Variants in SLC45A4 observed in about 807,000 individuals in gnomAD.
The protein encoded by SLC45A4 is polyamine-transporter SLC45A4.
SLC45A4 carries 32 observed loss-of-function variants against 63.7 expected under a neutral mutation model. The ratio of observed to expected loss-of-function variants is 0.50; its 90% CI spans 0.38 to 0.67. The LOEUF is 0.67. Ranked by LOEUF, SLC45A4 falls within the 30% of genes least tolerant of loss-of-function variation. The pLI, the probability that SLC45A4 is intolerant of heterozygous loss-of-function variation, is 0.00. For synonymous variants in SLC45A4, 535 were observed against 510.0 expected (o/e 1.05, Z -0.66); for missense variants, 1,027 against 1,157.7 (o/e 0.89, Z 1.64).
chr8:141,264,738 T>C (rs955725644), intron 1 of SLC45A4, among the ~76,000 whole-genome samples: 18 of 152,232 alleles, frequency 1.2e-4, no homozygotes, highest in Non-Finnish European at 1.0e-4. Flanking sequence ...AGTCCTTCCA[T>C]GGTCTTCCAC....
At chr8:141,242,689 C>T (rs1827971728) in intron 2 of SLC45A4, among the ~76,000 whole-genome samples, 1 of 152,204 alleles carries the variant, frequency 6.6e-6, no homozygotes, top group Non-Finnish European at 1.5e-5. Context: ...CTCCATTAGG[C>T]AGCTTGCCAC....
intron 1 of SLC45A4, among the ~76,000 whole-genome samples, chr8:141,305,873 G>C (rs1332932693): frequency 4.3e-5 from 6 of 141,142 alleles, no homozygotes; most frequent in Admixed American, 7.4e-5. Flanking sequence ...ACCTTCCTCG[G>C]CTCCTTTCCT....
intron 2 of SLC45A4, among the ~76,000 whole-genome samples, chr8:141,243,366 C>T (rs1056587978): frequency 2.4e-4 from 36 of 152,220 alleles, no homozygotes; most frequent in African/African-American, 8.2e-4. Context: ...GCTCTCATTC[C>T]CACAAACTAG....
chr8:141,263,254 A>T (rs1259657166), intron 1 of SLC45A4, among the ~76,000 whole-genome samples: 1 of 151,382 alleles, frequency 6.6e-6, no homozygotes, highest in Non-Finnish European at 1.5e-5. Context: ...GAAGAGATAT[A>T]CCTAATGTTA....
At chr8:141,266,039 CA>C (rs200938608) in intron 1 of SLC45A4, among the ~76,000 whole-genome samples, 2,557 of 152,174 alleles carry the variant, frequency 0.017, 86 homozygotes, top group African/African-American at 0.057. Flanking sequence ...TAAATTTCAC[CA>C]AAAAGGTAAC....
chr8:141,252,018 A>C (rs1828491642), intron 2 of SLC45A4, among the ~76,000 whole-genome samples: 1 of 146,314 alleles, frequency 6.8e-6, no homozygotes, highest in South Asian at 2.7e-4. Context: ...TCACGGAACA[A>C]GAAACACTTT....
At chr8:141,289,176 G>C (rs1001385201) in intron 1 of SLC45A4, among the ~76,000 whole-genome samples, 3 of 152,202 alleles carry the variant, frequency 2.0e-5, no homozygotes, top group Non-Finnish European at 2.9e-5. Context: ...GCCAGGGCGA[G>C]AGCAGAAGGG....
chr8:141,243,171 G>A (rs1828000426), intron 2 of SLC45A4, among the ~76,000 whole-genome samples: 1 of 152,340 alleles, frequency 6.6e-6, no homozygotes, highest in East Asian at 1.9e-4. Context: ...GAAAGTCAGG[G>A]GGACCCCATG....
In SLC45A4 at chr8:141,209,204, G is replaced by T. The variant is rs1283375691; in HGVS notation, c.*2368C>A. The T allele has an allele frequency of 1.3e-5, 2 of 152,316 alleles. No homozygotes were observed. Among genetic ancestry groups the T allele is most frequent in the African/African-American group, 4.8e-5 (2 of 41,450 alleles). The allele number at this position is 152,316 out of a possible 1,614,324, so 9.4% of individuals were successfully genotyped here. A position where few individuals can be genotyped will look rare whatever the true frequency, so the allele number is the denominator to read the frequency against. ...CGCCTTGTTACTGCATCCGTCTGAG[G>T]TACAAGGTTAGAAGCCACAGACACC... On this transcript the variant is annotated 3_prime_UTR_variant, in exon 9 of 9. Coordinates refer to ENST00000517878, the MANE Select transcript of SLC45A4 (RefSeq NM_001286646.2).
chr8:141,236,869 G>A (rs868742296), intron 2 of SLC45A4, among the ~76,000 whole-genome samples: 1 of 152,326 alleles, frequency 6.6e-6, no homozygotes. Context: ...GGCGCGGAGG[G>A]CTGGCCAGAG....
intron 2 of SLC45A4, among the ~76,000 whole-genome samples, chr8:141,249,261 C>CCTT (rs1388725062): frequency 7.9e-5 from 12 of 152,142 alleles, no homozygotes; most frequent in Non-Finnish European, 1.3e-4. Flanking sequence ...CCACACAGAG[C>CCTT]CTTGCAGGTG....
At chr8:141,241,934 G>A (rs1267377343) in intron 2 of SLC45A4, among the ~76,000 whole-genome samples, 1 of 152,262 alleles carries the variant, frequency 6.6e-6, no homozygotes, top group Admixed American at 6.5e-5. Flanking sequence ...GTGAAGGCAT[G>A]GTGCATACAG....
intron 2 of SLC45A4, among the ~76,000 whole-genome samples, chr8:141,241,050 C>T (rs1036163367): frequency 2.0e-5 from 3 of 152,334 alleles, no homozygotes; most frequent in East Asian, 1.9e-4. Flanking sequence ...CTATGGGCAC[C>T]GGTTTGTGGG....
intron 1 of SLC45A4, among the ~76,000 whole-genome samples, chr8:141,283,734 G>A (rs542821313): frequency 3.8e-4 from 58 of 152,306 alleles, no homozygotes; most frequent in African/African-American, 1.3e-3. Flanking sequence ...ACACTTCCAC[G>A]TGGACCCAGA....
chr8:141,218,476 G>A lies in SLC45A4; in HGVS notation c.1164C>T (p.Gly388=), dbSNP rs1449010418. ...CGCCGAGGGCGTCTTTTGTGGGGGA[G>A]CCACTTCCGTTTGGGACTTTAGCTT... is the stretch of plus-strand genomic sequence containing the variant. ...LNEAKVPNGS[G]SPTKDALGGY... is the part of the protein sequence containing the mutation. The change falls in exon 5 of 9, where the codon GGC becomes GGT. Residue 388 remains glycine, a synonymous_variant. Transcript: ENST00000517878. The A allele has an allele frequency of 1.2e-6, 2 of 1,613,080 alleles. No homozygotes were observed. The highest frequency in any genetic ancestry group is 2.7e-5 in the African/African-American group (2 of 74,930).
chr8:141,299,706 A>T (rs1280581894), intron 1 of SLC45A4, among the ~76,000 whole-genome samples: 2 of 152,228 alleles, frequency 1.3e-5, no homozygotes, highest in Non-Finnish European at 2.9e-5. Context: ...GCGGATTTGC[A>T]TACTGAAGTA....
chr8:141,246,243 G>A (rs1322367546), intron 2 of SLC45A4, among the ~76,000 whole-genome samples: 1 of 152,174 alleles, frequency 6.6e-6, no homozygotes, highest in South Asian at 2.1e-4. Context: ...AGAATATTCT[G>A]AGCACGTGTA....
At chr8:141,238,239 A>C (rs574888490) in intron 2 of SLC45A4, among the ~76,000 whole-genome samples, 1 of 152,290 alleles carries the variant, frequency 6.6e-6, no homozygotes, top group East Asian at 1.9e-4. Flanking sequence ...ATCAAGCTAT[A>C]AGTCTCCAGT....
chr8:141,212,145 C>CCCGGGGGG, intron 8 of SLC45A4, 52 bp downstream of exon 8: 1 of 955,982 alleles, frequency 1.0e-6, no homozygotes, highest in Non-Finnish European at 1.3e-6. Flanking sequence ...GCCGCCCGCC[C>CCCGGGGGG]GCCCGCCCAC....
Sources: gnomAD v4.1 joint callset for allele counts (sites outside exome capture counted in the v4.1 genomes callset) on GRCh38, gnomAD v4.1.1 for gene constraint, MANE v1.5 for transcripts, NCBI Gene and HGNC (gene_info 2026-07-23, HGNC 2026-07-21) for gene names.